The following CSMD1 variants were observed in gnomAD, a reference collection of about 807,000 sequenced individuals.
CSMD1 encodes the protein CUB and sushi domain-containing protein 1.
A neutral mutation model predicts 417.5 loss-of-function variants in CSMD1; 213 were observed. The ratio of observed to expected loss-of-function variants is 0.51; its 90% CI spans 0.46 to 0.57. The LOEUF (loss-of-function observed/expected upper bound fraction) is 0.57, where lower values mean the gene tolerates loss of function less well. Among genes scored for constraint, CSMD1 ranks in the 20% least tolerant of loss-of-function variants. The pLI is 0.00. For missense variants in CSMD1, 6,923 were observed against 4,529.7 expected (o/e 1.53, Z -15.17); for synonymous variants, 2,862 against 1,736.8 (o/e 1.65, Z -16.11).
chr8:3,313,733 C>T (rs1022499984), intron 23 of CSMD1, among the ~76,000 whole-genome samples: 1 of 152,106 alleles, frequency 6.6e-6, no homozygotes, highest in African/African-American at 2.4e-5. Context: ...GGATCTAGAA[C>T]TAGAAATACC....
intron 1 of CSMD1, among the ~76,000 whole-genome samples, chr8:4,820,032 T>C (rs1187874833): frequency 1.3e-5 from 2 of 152,184 alleles, no homozygotes; most frequent in African/African-American, 4.8e-5. Context: ...TCCAATTCCA[T>C]GCTTCTCTTC....
intron 3 of CSMD1, among the ~76,000 whole-genome samples, chr8:4,254,250 C>A (rs534980462): frequency 1.3e-5 from 2 of 152,156 alleles, no homozygotes; most frequent in Admixed American, 1.3e-4. Context: ...CTCTCTTCAC[C>A]AAATAAAATC....
intron 1 of CSMD1, among the ~76,000 whole-genome samples, chr8:4,826,638 G>T (rs1020561834): frequency 6.6e-6 from 1 of 152,122 alleles, no homozygotes; most frequent in Non-Finnish European, 1.5e-5. Context: ...AATTGCTGCA[G>T]GCACTTGCAC....
chr8:3,696,159 T>C (rs564551991), intron 7 of CSMD1, among the ~76,000 whole-genome samples: 2 of 152,202 alleles, frequency 1.3e-5, no homozygotes, highest in African/African-American at 2.4e-5. Context: ...AATGAACGTA[T>C]CTTCTTCGGA....
chr8:3,005,714 T>C (rs1190269016), intron 52 of CSMD1, among the ~76,000 whole-genome samples: 1 of 152,058 alleles, frequency 6.6e-6, no homozygotes, highest in Non-Finnish European at 1.5e-5. Flanking sequence ...TTTGACAAAA[T>C]TCAACAACGC....
chr8:4,852,691 AG>A (rs1801547892), intron 1 of CSMD1, among the ~76,000 whole-genome samples: 1 of 152,208 alleles, frequency 6.6e-6, no homozygotes, highest in Non-Finnish European at 1.5e-5. Flanking sequence ...AAAAGACGAC[AG>A]GAAGATGAGG....
intron 23 of CSMD1, among the ~76,000 whole-genome samples, chr8:3,311,829 C>T (rs7843433): frequency 1.3e-5 from 2 of 152,066 alleles, no homozygotes; most frequent in Non-Finnish European, 2.9e-5. Context: ...TAATAACATT[C>T]ATTTTCCTGT....
At chr8:3,453,011 T>C (rs963402968) in intron 12 of CSMD1, among the ~76,000 whole-genome samples, 1 of 152,220 alleles carries the variant, frequency 6.6e-6, no homozygotes, top group Non-Finnish European at 1.5e-5. Context: ...TATTGGTCTA[T>C]TCAGAGATTC....
chr8:4,154,340 G>C (rs997168058), intron 3 of CSMD1, among the ~76,000 whole-genome samples: 5 of 152,200 alleles, frequency 3.3e-5, no homozygotes, highest in African/African-American at 1.2e-4. Context: ...TAGTCCAGGA[G>C]TATTCAGTCA....
At chr8:4,035,045 T>C (rs370656459) in intron 3 of CSMD1, among the ~76,000 whole-genome samples, 6 of 152,272 alleles carry the variant, frequency 3.9e-5, no homozygotes, top group African/African-American at 9.6e-5. Context: ...GTATGAATAA[T>C]GCAAATGATT....
intron 1 of CSMD1, among the ~76,000 whole-genome samples, chr8:4,831,619 CTCTT>C (rs1388334343): frequency 6.6e-6 from 1 of 152,122 alleles, no homozygotes. Context: ...CCTGGTGACA[CTCTT>C]TCTTTCGCTT....
chr8:3,040,346 T>G (rs902943559), intron 50 of CSMD1, among the ~76,000 whole-genome samples: 11 of 143,754 alleles, frequency 7.7e-5, no homozygotes, highest in Non-Finnish European at 9.1e-5. Flanking sequence ...TCTTATTGAG[T>G]GAAAGGGAAA....
chr8:3,242,184 A>G (rs948687178), intron 26 of CSMD1, among the ~76,000 whole-genome samples: 15 of 152,100 alleles, frequency 9.9e-5, no homozygotes, highest in Non-Finnish European at 2.9e-5. Flanking sequence ...GGCTAGTCCC[A>G]GAATGAAACA....
At chr8:4,531,160 G>T (rs1194478087) in intron 2 of CSMD1, among the ~76,000 whole-genome samples, 1 of 152,088 alleles carries the variant, frequency 6.6e-6, no homozygotes, top group Admixed American at 6.6e-5. Flanking sequence ...TTTTTTGTAG[G>T]ATCTGTCACC....
chr8:3,864,585 A>C (rs1804953132), intron 5 of CSMD1, among the ~76,000 whole-genome samples: 1 of 152,190 alleles, frequency 6.6e-6, no homozygotes, highest in Non-Finnish European at 1.5e-5. Context: ...GTCATTTAGC[A>C]CTAGGTATAT....
At chr8:4,009,650 G>A (rs953185291) in intron 4 of CSMD1, among the ~76,000 whole-genome samples, 2 of 152,142 alleles carry the variant, frequency 1.3e-5, no homozygotes, top group African/African-American at 2.4e-5. Flanking sequence ...ACCCACATAT[G>A]TAATATAATA....
At position 4,390,576 on chromosome 8, in the gene CSMD1, C is replaced by T. The variant is rs1284220678; in HGVS notation, c.415+29377G>A. 1.1e-4 allele frequency among the ~76,000 whole-genome samples: 17 copies of T among 150,136 alleles called. No individual in the cohort carries two copies. The South Asian group carries it at 1.5e-3, about 13-fold the overall frequency. ...TTGCCCAGGCTGGAGTGCAGTGGTG[C>T]GATCTCAGCTCCCTGCAAGCTCCGC... On this transcript the variant is annotated intron_variant, in intron 3 of 69. Transcript: ENST00000635120.
At chr8:4,750,562 C>G (rs1158948192) in intron 1 of CSMD1, among the ~76,000 whole-genome samples, 1 of 152,022 alleles carries the variant, frequency 6.6e-6, no homozygotes, top group Non-Finnish European at 1.5e-5. Context: ...TAGGTCAGAT[C>G]TTTTTTCACT....
intron 2 of CSMD1, among the ~76,000 whole-genome samples, chr8:4,576,105 C>G (rs969144633): frequency 4.6e-5 from 7 of 152,238 alleles, no homozygotes; most frequent in Admixed American, 4.6e-4. Context: ...CATTCAACCT[C>G]CTCTTTATTG....
Sources: gnomAD v4.1 joint callset for allele counts (sites outside exome capture counted in the v4.1 genomes callset) on GRCh38, gnomAD v4.1.1 for gene constraint, MANE v1.5 for transcripts, NCBI Gene and HGNC (gene_info 2026-07-23, HGNC 2026-07-21) for gene names.